The following IDH3A variants were observed in gnomAD, a reference collection of about 807,000 sequenced individuals.
IDH3A encodes the protein isocitrate dehydrogenase [NAD] subunit alpha, mitochondrial.
Under a neutral mutation model 43.3 loss-of-function variants are expected in IDH3A, and 23 were observed. The ratio of observed to expected loss-of-function variants is 0.53; its 90% CI spans 0.38 to 0.75. IDH3A has a LOEUF of 0.75. Among genes scored for constraint, IDH3A ranks in the 30% least tolerant of loss-of-function variants. The pLI, the probability that IDH3A is intolerant of heterozygous loss-of-function variation, is 0.00. For synonymous variants in IDH3A, 154 were observed against 163.5 expected (o/e 0.94, Z 0.44); for missense variants, 329 against 474.4 (o/e 0.69, Z 2.85).
chr15:78,164,277 T>TTG (rs1409532451), intron 8 of IDH3A, among the ~76,000 whole-genome samples: 1 of 151,534 alleles, frequency 6.6e-6, no homozygotes, highest in Non-Finnish European at 1.5e-5. Flanking sequence ...CTCCTCTCCT[T>TTG]TGTCTGTGCT....
rs2074634987 is a variant in IDH3A at position 78,157,587 on chromosome 15, C to T, written c.130C>T (p.Pro44Ser). 1 of 1,612,614 alleles carries T rather than the reference C, an allele frequency of 6.2e-7. No homozygotes were observed. The highest frequency in any genetic ancestry group is 8.5e-7 in the Non-Finnish European group (1 of 1,179,300). The change falls in exon 3 of 11, where the codon CCA becomes TCA. Residue 44 changes from proline (P) to serine (S), a missense_variant. Around this residue, in one of 3 missense-constraint regions of IDH3A, gnomAD observed 212 missense variants for 345.5 expected, o/e 0.61. Transcript: ENST00000299518. Reference sequence around the variant, plus strand: ...TTTAATTCCAGGAGATGGTATTGGCCCAGAAATTTCAGCTGCAGTTATGAA... The same window carrying T: ...TTTAATTCCAGGAGATGGTATTGGCTCAGAAATTTCAGCTGCAGTTATGAA... ...VTLIPGDGIGPEISAAVMKIF... is the reference protein window; with the variant it reads ...VTLIPGDGIGSEISAAVMKIF...
rs1055903719 is a variant in IDH3A at position 78,161,125 on chromosome 15, G to A, written c.290-456G>A. ...TTGGACTCCTGACCTCAAGCGATCC[G>A]CCTGCCTTGGCCTCCCAAAGTGTTG... is the stretch of plus-strand genomic sequence containing the variant. On this transcript the variant is annotated intron_variant, in intron 4 of 10. Transcript: ENST00000299518. This position sits in a 1 kb window ranked among gnomAD's most constrained non-coding sequence, Gnocchi z 4.8. Among the ~76,000 whole-genome samples, 10 of 151,218 alleles carry A rather than the reference G, an allele frequency of 6.6e-5. No individual in the cohort carries two copies. Among genetic ancestry groups the A allele is most frequent in the East Asian group, 2.0e-4 (1 of 5,062 alleles).
Position 78,163,882 on chromosome 15 carries a change from G to A in IDH3A, c.779+102G>A, listed in dbSNP as rs2074709406. ...TTTCAATTGAGTATTGTGAAATAGA[G>A]TATTTGTTGTAACATATGAATTGAA... On this transcript the variant is annotated intron_variant, in intron 8 of 10. Coordinates refer to ENST00000299518, the MANE Select transcript of IDH3A (RefSeq NM_005530.3). 6 of 750,944 alleles carry A rather than the reference G, an allele frequency of 8.0e-6. No individual in the cohort carries two copies. In the South Asian group the frequency reaches 9.6e-5, roughly 12 times the overall value. 46.5% of individuals were successfully genotyped at this position (750,944 alleles called of 1,614,324 possible). A position where few individuals can be genotyped will look rare whatever the true frequency, so the allele number is the denominator to read the frequency against.
chr15:78,166,953 C>T (rs565388315), intron 10 of IDH3A, among the ~76,000 whole-genome samples: 1 of 152,254 alleles, frequency 6.6e-6, no homozygotes, highest in Admixed American at 6.5e-5. Flanking sequence ...TTTTTATAGA[C>T]AACTTTTTAC....
intron 6 of IDH3A, 110 bp downstream of exon 6, chr15:78,162,477 A>G (rs2074692485): frequency 8.3e-7 from 1 of 1,202,568 alleles, no homozygotes; most frequent in Middle Eastern, 2.8e-4. Flanking sequence ...ATATCTTTGA[A>G]AAAGAACTTT....
intron 1 of IDH3A, among the ~76,000 whole-genome samples, chr15:78,149,712 C>T (rs2074557481): frequency 6.6e-6 from 1 of 152,216 alleles, no homozygotes; most frequent in Non-Finnish European, 1.5e-5. Flanking sequence ...GACCCGGCTG[C>T]CGTCACCCGC....
At position 78,171,421 on chromosome 15, in the gene IDH3A, G is replaced by GA; in HGVS notation, c.*2419dup. On this transcript the variant is annotated 3_prime_UTR_variant, in exon 11 of 11. Coordinates refer to ENST00000299518, the MANE Select transcript of IDH3A (RefSeq NM_005530.3). ...CGGAACGCCTGCCCTCTATTCTATAGAAACTGCAGGCATAGGCCCTGATTA... is the reference window on the plus strand; with the variant it reads ...CGGAACGCCTGCCCTCTATTCTATAGAAAACTGCAGGCATAGGCCCTGATTA... 6.2e-7 allele frequency: 1 copy of GA among 1,603,036 alleles called. No homozygotes were observed. The highest frequency in any genetic ancestry group is 8.5e-7 in the Non-Finnish European group (1 of 1,170,164).
chr15:78,166,308 A>G lies in IDH3A; in HGVS notation c.1017+6A>G, dbSNP rs1446269974. The stretch of plus-strand genomic sequence containing the variant: ...CTACAATTAAGGACGGAAAGGTAAC[A>G]GGAATCTTGATTTACTTGTGCTGGG... On this transcript the variant is annotated splice_donor_region_variant and intron_variant, in intron 10 of 10. Coordinates refer to ENST00000299518, the MANE Select transcript of IDH3A (RefSeq NM_005530.3). 10 of 1,613,800 alleles carry G rather than the reference A, an allele frequency of 6.2e-6. No individual in the cohort carries two copies. The Admixed American group carries it at 6.7e-5, about 11-fold the overall frequency.
Position 78,171,449 on chromosome 15 carries a change from T to C in IDH3A, c.*2444T>C. On this transcript the variant is annotated 3_prime_UTR_variant, in exon 11 of 11. Transcript: ENST00000299518. ...ACTGCAGGCATAGGCCCTGATTACA[T>C]TTTTTGCTCTTGGTAAAAGGAGTCA... 6.2e-7 allele frequency: 1 copy of C among 1,613,424 alleles called. No individual in the cohort carries two copies.
intron 6 of IDH3A, 138 bp downstream of exon 6, chr15:78,162,505 C>T (rs923390343): frequency 9.8e-6 from 8 of 815,184 alleles, no homozygotes; most frequent in Non-Finnish European, 1.5e-5. Context: ...TCCAAAGATA[C>T]GGCATCTCTC....
intron 9 of IDH3A, 75 bp downstream of exon 9, chr15:78,165,151 T>G (rs1595871411): frequency 1.1e-6 from 1 of 885,250 alleles, no homozygotes; most frequent in East Asian, 2.4e-5. Flanking sequence ...TCTGTATAAG[T>G]ATGCTTTAAC....
At chr15:78,157,747 T>A in intron 3 of IDH3A, 116 bp downstream of exon 3, 1 of 663,694 alleles carries the variant, frequency 1.5e-6, no homozygotes, top group Non-Finnish European at 2.6e-6. Context: ...TTTAGTCAGG[T>A]CTGTTGTTAA....
rs1315841001 is a variant in IDH3A, at chr15:78,160,182, G to A, written c.265G>A (p.Asp89Asn). The change falls in exon 4 of 11, where the codon GAT (aspartate) becomes AAT (asparagine). Residue 89 changes from aspartate (D) to asparagine (N), a missense_variant. Around this residue, in one of 3 missense-constraint regions of IDH3A, gnomAD observed 212 missense variants for 345.5 expected, o/e 0.61. Transcript: ENST00000299518. ...CCCTTCAGAGGCTAAAGAGTCCATG[G>A]ATAAGAACAAGATGGGCTTGAAAGG... ...MIPSEAKESM[D>N]KNKMGLKGPL... 1 of 1,608,110 alleles carries A rather than the reference G, an allele frequency of 6.2e-7. No individual in the cohort carries two copies. The highest frequency in any genetic ancestry group is 8.5e-7 in the Non-Finnish European group (1 of 1,174,626).
intron 1 of IDH3A, among the ~76,000 whole-genome samples, chr15:78,153,650 A>G (rs1169230172): frequency 2.0e-5 from 3 of 152,196 alleles, no homozygotes; most frequent in African/African-American, 7.2e-5. Context: ...CAGACCCCAG[A>G]AAAAAACATC....
intron 9 of IDH3A, 32 bp downstream of exon 9, chr15:78,165,108 G>A (rs1441223732): frequency 1.5e-6 from 2 of 1,349,560 alleles, no homozygotes; most frequent in Non-Finnish European, 2.1e-6. Context: ...ACAGAACTCA[G>A]GTCAGAACAG....
chr15:78,162,522 C>T (rs1012400821), intron 6 of IDH3A, among the ~76,000 whole-genome samples, 155 bp downstream of exon 6: 4 of 150,560 alleles, frequency 2.7e-5, no homozygotes, highest in Admixed American at 2.0e-4. Flanking sequence ...TCTCTTCTGT[C>T]GGAGTCTCCT....
chr15:78,161,491 C>A lies in IDH3A; in HGVS notation c.290-90C>A. 1 of 969,322 alleles carries A rather than the reference C, an allele frequency of 1.0e-6. No homozygotes were observed. Among genetic ancestry groups the A allele is most frequent in the Non-Finnish European group, 1.6e-6 (1 of 632,022 alleles). 60.0% of individuals were successfully genotyped at this position (969,322 alleles called of 1,614,324 possible). ...TAGAGAGTGAACTAGAGGCAGAACACATTTCACAAGGTAGCCGAGGTGGGT... is the reference window on the plus strand; with the variant it reads ...TAGAGAGTGAACTAGAGGCAGAACAAATTTCACAAGGTAGCCGAGGTGGGT... On this transcript the variant is annotated intron_variant, in intron 4 of 10. Transcript: ENST00000299518. The surrounding 1 kb of genome is among the most constrained non-coding windows in gnomAD (Gnocchi z 4.8).
In IDH3A at chr15:78,169,832, T is replaced by A. The variant is rs2074797343; in HGVS notation, c.*827T>A. 1 of 152,224 alleles carries A rather than the reference T, an allele frequency of 6.6e-6. No individual in the cohort carries two copies. Among genetic ancestry groups the A allele is most frequent in the African/African-American group, 2.4e-5 (1 of 41,452 alleles). 9.4% of individuals were successfully genotyped at this position (152,224 alleles called of 1,614,324 possible). A position where few individuals can be genotyped will look rare whatever the true frequency, so the allele number is the denominator to read the frequency against. ...GCCCCTGATCTGAAGCCAGAAGGGC[T>A]GAGTGTATTGTAAACTTATTCTTGC... On this transcript the variant is annotated 3_prime_UTR_variant, in exon 11 of 11. Transcript: ENST00000299518.
chr15:78,163,884 AT>A (rs1299585558), intron 8 of IDH3A, 104 bp downstream of exon 8: 2 of 749,122 alleles, frequency 2.7e-6, no homozygotes, highest in East Asian at 5.1e-5. Context: ...GAAATAGAGT[AT>A]TTGTTGTAAC....
Sources: gnomAD v4.1 joint callset for allele counts (sites outside exome capture counted in the v4.1 genomes callset) on GRCh38, gnomAD v4.1.1 for gene constraint, gnomAD v4.1.1 regional missense constraint, Gnocchi (gnomAD v3.1) non-coding constraint, MANE v1.5 for transcripts, NCBI Gene and HGNC (gene_info 2026-07-23, HGNC 2026-07-21) for gene names.